The following TP53BP1 variants were observed in gnomAD, a reference collection of about 807,000 sequenced individuals.
The protein encoded by TP53BP1 is TP53-binding protein 1.
TP53BP1 carries 61 observed loss-of-function variants against 200.8 expected under a neutral mutation model. The observed-to-expected ratio is 0.30, with a 90% CI of 0.25 to 0.38. The LOEUF is 0.38. Among genes scored for constraint, TP53BP1 ranks in the 10% least tolerant of loss-of-function variants. TP53BP1 has a pLI of 1.00. For synonymous variants in TP53BP1, 822 were observed against 844.3 expected (o/e 0.97, Z 0.46); for missense variants, 2,144 against 2,371.9 (o/e 0.90, Z 2.00).
In TP53BP1 at chr15:43,428,145, A is replaced by C. The variant is rs2045593040; in HGVS notation, c.3699T>G (p.Pro1233=). 2 of 1,613,942 alleles carry C rather than the reference A, an allele frequency of 1.2e-6. No individual in the cohort carries two copies. The highest frequency in any genetic ancestry group is 1.7e-6 in the Non-Finnish European group (2 of 1,179,884). The change falls in exon 18 of 28, where the codon CCT becomes CCG. Residue 1233 remains proline, a synonymous_variant. Coordinates refer to ENST00000382044, the MANE Select transcript of TP53BP1 (RefSeq NM_001141980.3). ...HSQGEEEFDM[P]QPPHGHVLHR... ...GTAAGACATGGCCATGTGGAGGCTG[A>C]GGCATATCAAACTCTTCTTCTCCCT...
intron 11 of TP53BP1, among the ~76,000 whole-genome samples, chr15:43,462,438 G>A (rs2140066961): frequency 6.6e-6 from 1 of 151,886 alleles, no homozygotes; most frequent in East Asian, 1.9e-4. Context: ...CCAGCACCAG[G>A]AGCTGGGACT....
chr15:43,423,826 C>G (rs768324959), intron 18 of TP53BP1, among the ~76,000 whole-genome samples: 1 of 152,072 alleles, frequency 6.6e-6, no homozygotes, highest in Non-Finnish European at 1.5e-5. Flanking sequence ...TTCAGTCTAC[C>G]TTTTTGGCTA....
Position 43,422,139 on chromosome 15 carries a change from A to C in TP53BP1, c.3829-13T>G. The C allele has an allele frequency of 6.2e-7, 1 of 1,611,252 alleles. No homozygotes were observed. The highest frequency in any genetic ancestry group is 8.5e-7 in the Non-Finnish European group (1 of 1,178,904). ...GCTCTTCAGTCTCCTGCAAGGAAAAAATAGATACAGAAGATAAAAGATGCC... is the reference window on the plus strand; with the variant it reads ...GCTCTTCAGTCTCCTGCAAGGAAAACATAGATACAGAAGATAAAAGATGCC... On this transcript the variant is annotated splice_polypyrimidine_tract_variant and intron_variant, in intron 18 of 27. Coordinates refer to ENST00000382044, the MANE Select transcript of TP53BP1 (RefSeq NM_001141980.3).
At chr15:43,477,283 G>C (rs1279666081) in intron 8 of TP53BP1, among the ~76,000 whole-genome samples, 2 of 142,828 alleles carry the variant, frequency 1.4e-5, no homozygotes, top group East Asian at 4.1e-4. Context: ...CTGGGTGACA[G>C]AGTGAGACTC....
chr15:43,509,324 C>A (rs1021721328), intron 1 of TP53BP1, among the ~76,000 whole-genome samples: 1 of 151,638 alleles, frequency 6.6e-6, no homozygotes, highest in Non-Finnish European at 1.5e-5. Flanking sequence ...AAAGGATTTT[C>A]AGGGCCATGT....
rs1041166279 is a variant in TP53BP1, at chr15:43,406,626, T to G, written c.*757A>C. On this transcript the variant is annotated 3_prime_UTR_variant, in exon 28 of 28. Transcript: ENST00000382044. ...AAAAAAACCTTGTTGACCCCTGCTT[T>G]AGAGAATGAGAAGCCATGCAGGGAT... 2.2e-6 allele frequency: 1 copy of G among 455,906 alleles called. No individual in the cohort carries two copies. Among genetic ancestry groups the G allele is most frequent in the East Asian group, 6.9e-5 (1 of 14,410 alleles). The allele number at this position is 455,906 out of a possible 1,614,324, so 28.2% of individuals were successfully genotyped here.
At position 43,421,995 on chromosome 15, in the gene TP53BP1, T is replaced by C. The variant is rs765668030; in HGVS notation, c.3960A>G (p.Thr1320=). ...TAGCTGAGAGACTTGTCCCACTTGATGTGCGGTGTAAGCTGGATGCCTTGG... is the reference window on the plus strand; with the variant it reads ...TAGCTGAGAGACTTGTCCCACTTGACGTGCGGTGTAAGCTGGATGCCTTGG... The part of the protein sequence containing the change: ...FSSKASSLHR[T]SSGTSLSAMH... The change falls in exon 19 of 28, where the codon ACA becomes ACG. Residue 1320 remains threonine, a synonymous_variant. Coordinates refer to ENST00000382044, the MANE Select transcript of TP53BP1 (RefSeq NM_001141980.3). 7 of 1,614,192 alleles carry C rather than the reference T, an allele frequency of 4.3e-6. No individual in the cohort carries two copies. The highest frequency in any genetic ancestry group is 1.6e-4 in the Middle Eastern group (1 of 6,062).
At chr15:43,501,835 T>C (rs1286736133) in intron 1 of TP53BP1, among the ~76,000 whole-genome samples, 3 of 152,252 alleles carry the variant, frequency 2.0e-5, no homozygotes, top group African/African-American at 7.2e-5. Context: ...CAACTTGTTT[T>C]ATTAATTCTC....
At chr15:43,435,032 G>A (rs201493348) in intron 16 of TP53BP1, among the ~76,000 whole-genome samples, 11 of 152,186 alleles carry the variant, frequency 7.2e-5, no homozygotes, top group African/African-American at 2.4e-4. Flanking sequence ...AAGCCAAGAC[G>A]GGTGGATCAC....
upstream of TP53BP1, among the ~76,000 whole-genome samples, chr15:43,493,672 C>T (rs544829363): frequency 6.6e-6 from 1 of 152,296 alleles, no homozygotes; most frequent in East Asian, 1.9e-4. Context: ...ACCCTGAATC[C>T]AAGGGCCTGA....
At chr15:43,452,229 G>A (rs2046187321) in intron 12 of TP53BP1, among the ~76,000 whole-genome samples, 1 of 152,042 alleles carries the variant, frequency 6.6e-6, no homozygotes, top group South Asian at 2.1e-4. Context: ...TTTTTGCAAC[G>A]CTCTTCTGAA....
intron 15 of TP53BP1, among the ~76,000 whole-genome samples, chr15:43,440,463 G>C (rs1054522346): frequency 6.6e-6 from 1 of 151,412 alleles, no homozygotes; most frequent in Non-Finnish European, 1.5e-5. Context: ...TGCAGTGAGC[G>C]GAGATCGTGC....
chr15:43,509,020 T>C (rs1243672400), intron 1 of TP53BP1, among the ~76,000 whole-genome samples: 1 of 152,148 alleles, frequency 6.6e-6, no homozygotes, highest in Non-Finnish European at 1.5e-5. Flanking sequence ...ACCTTTATAC[T>C]GAGACCCTGT....
intron 12 of TP53BP1, among the ~76,000 whole-genome samples, chr15:43,454,124 G>C (rs991366503): frequency 3.3e-5 from 5 of 151,482 alleles, no homozygotes; most frequent in Non-Finnish European, 5.9e-5. Flanking sequence ...AGAATTGCTT[G>C]AACCCGGGAG....
intron 9 of TP53BP1, 85 bp downstream of exon 9, chr15:43,475,480 G>T: frequency 6.8e-7 from 1 of 1,475,348 alleles, no homozygotes; most frequent in Non-Finnish European, 9.2e-7. Flanking sequence ...TTCTAGACTA[G>T]CAGATAAGTT....
Position 43,447,488 on chromosome 15 carries a change from GAAAAAAAAA to G in TP53BP1, c.2717-12_2717-4del. 1 of 954,472 alleles carries G rather than the reference GAAAAAAAAA, an allele frequency of 1.0e-6. No individual in the cohort carries two copies. Among genetic ancestry groups the G allele is most frequent in the South Asian group, 2.9e-5 (1 of 34,484 alleles). 59.1% of individuals were successfully genotyped at this position (954,472 alleles called of 1,614,324 possible). ...CAAAGTGAAATGAAATGGGGTTTCT[GAAAAAAAAA>G]AAAAAAAGAAAAAAGAAAGAAAGAA... On this transcript the variant is annotated splice_region_variant and splice_polypyrimidine_tract_variant and intron_variant, in intron 12 of 27. Coordinates refer to ENST00000382044, the MANE Select transcript of TP53BP1 (RefSeq NM_001141980.3).
At chr15:43,510,605 G>C in exon 1 of TP53BP1, 1 of 227,844 alleles carries the variant, frequency 4.4e-6, no homozygotes, top group East Asian at 1.2e-4. Context: ...GGGACAAGAT[G>C]GCTCCCCTCA....
intron 15 of TP53BP1, among the ~76,000 whole-genome samples, chr15:43,440,296 G>A (rs1006512492): frequency 6.6e-6 from 1 of 151,992 alleles, no homozygotes; most frequent in Non-Finnish European, 1.5e-5. Context: ...CGGATCACGA[G>A]GTCAGGAGAT....
In TP53BP1 at chr15:43,492,411, G is replaced by A. The variant is rs758167722; in HGVS notation, c.65C>T (p.Thr22Ile). ...QLDSDFSQQDTPCLIIEDSQP... is the reference protein window; with the variant it reads ...QLDSDFSQQDIPCLIIEDSQP... ...AGAATCTTCAATTATCAGGCAAGGA[G>A]TATCTTGCTGAGAGAAATCTGAATC... Residue 22 changes from threonine to isoleucine, a missense_variant, in exon 2 of 28, where the codon ACT becomes ATT. Physicochemically the swap from Thr to Ile is moderately conservative, Grantham distance 89. Coordinates refer to ENST00000382044, the MANE Select transcript of TP53BP1 (RefSeq NM_001141980.3). 3.7e-6 allele frequency: 6 copies of A among 1,613,868 alleles called. No individual in the cohort carries two copies. The African/African-American group carries it at 4.0e-5, about 11-fold the overall frequency.
Sources: gnomAD v4.1 joint callset for allele counts (sites outside exome capture counted in the v4.1 genomes callset) on GRCh38, gnomAD v4.1.1 for gene constraint, MANE v1.5 for transcripts, NCBI Gene and HGNC (gene_info 2026-07-23, HGNC 2026-07-21) for gene names.